FMN1: variants seen among roughly 807,000 people sequenced by gnomAD.
FMN1 encodes the protein formin-1.
Under a neutral mutation model 132.4 loss-of-function variants are expected in FMN1, and 110 were observed. The ratio of observed to expected loss-of-function variants is 0.83; its 90% confidence interval spans 0.71 to 0.97. The LOEUF (loss-of-function observed/expected upper bound fraction) is 0.97, where lower values mean the gene tolerates loss of function less well. Ranked by LOEUF, FMN1 falls within the 50% of genes least tolerant of loss-of-function variation. FMN1 has a pLI of 0.00. For missense variants in FMN1, 1,792 were observed against 1,705.3 expected, an observed-to-expected ratio of 1.05 and a Z score of -0.90; for synonymous variants, 722 against 651.7, an observed-to-expected ratio of 1.11 and a Z score of -1.64.
At chr15:32,972,907 C>T (rs1186479051) in intron 7 of FMN1, among the ~76,000 whole-genome samples, 1 of 152,092 alleles carries the variant, frequency 6.6e-6, no homozygotes, top group Non-Finnish European at 1.5e-5. Flanking sequence ...TCTGAAATTC[C>T]TCCTCACTAT....
rs2039922546 is a variant in FMN1, at chr15:33,116,274, T to G, written c.1868-27300A>C. Among the ~76,000 whole-genome samples the G allele has an allele frequency of 2.0e-5, 3 of 152,308 alleles. No homozygotes were observed. The South Asian group carries it at 6.2e-4, about 32-fold the overall frequency. The stretch of plus-strand genomic sequence containing the variant: ...TTTCCTTTATACCTGTTTATAAAAC[T>G]CTTTTAAAGTATCCTTGGTTCACAT... On this transcript the variant is annotated intron_variant, in intron 4 of 20. Coordinates refer to ENST00000616417, the MANE Select transcript of FMN1 (RefSeq NM_001277313.2).
intron 5 of FMN1, among the ~76,000 whole-genome samples, chr15:33,065,338 T>C (rs904802864): frequency 6.6e-6 from 1 of 152,212 alleles, no homozygotes; most frequent in Non-Finnish European, 1.5e-5. Flanking sequence ...AGATTATTTT[T>C]ATTATATAAT....
At chr15:33,103,647 A>T (rs1055184228) in intron 4 of FMN1, among the ~76,000 whole-genome samples, 3 of 152,118 alleles carry the variant, frequency 2.0e-5, no homozygotes, top group Non-Finnish European at 2.9e-5. Flanking sequence ...ACTAAAATAT[A>T]CCAAAGGAGA....
At chr15:33,123,128 T>G (rs10519793) in intron 4 of FMN1, among the ~76,000 whole-genome samples, 9,197 of 150,872 alleles carry the variant, frequency 0.061, 295 homozygotes, top group Middle Eastern at 0.11. Flanking sequence ...CGTCATATCG[T>G]CAAGCCTTGT....
At chr15:33,097,074 A>G in intron 4 of FMN1, among the ~76,000 whole-genome samples, 1 of 152,096 alleles carries the variant, frequency 6.6e-6, no homozygotes, top group East Asian at 1.9e-4. Context: ...TGGGTGGATC[A>G]CTTAAGCTCA....
intron 6 of FMN1, among the ~76,000 whole-genome samples, chr15:33,055,002 C>T (rs543621386): frequency 1.7e-4 from 26 of 152,238 alleles, no homozygotes; most frequent in Admixed American, 5.2e-4. Flanking sequence ...GGACTCTCTC[C>T]TCAGCCACAG....
At chr15:32,889,756 A>G (rs987032461) in intron 15 of FMN1, among the ~76,000 whole-genome samples, 1 of 152,190 alleles carries the variant, frequency 6.6e-6, no homozygotes, top group African/African-American at 2.4e-5. Context: ...CGCTTACATT[A>G]TCACAGCATT....
At chr15:32,883,260 TG>T (rs1273637798) in intron 16 of FMN1, among the ~76,000 whole-genome samples, 11 of 151,962 alleles carry the variant, frequency 7.2e-5, no homozygotes, top group African/African-American at 1.9e-4. Context: ...CCTGGCACTA[TG>T]GGAGGCCAAG....
chr15:32,892,599 TTCTC>T (rs539583056), intron 15 of FMN1, among the ~76,000 whole-genome samples: 26 of 152,362 alleles, frequency 1.7e-4, no homozygotes, highest in Non-Finnish European at 3.4e-4. Flanking sequence ...GCTTCCCTCT[TTCTC>T]TATCTTGTGG....
chr15:32,810,990 G>A (rs745946847), intron 17 of FMN1: 19 of 456,156 alleles, frequency 4.2e-5, no homozygotes, highest in Admixed American at 1.4e-4. Flanking sequence ...CGTGGGATCC[G>A]TCTGATGTGA....
At chr15:32,936,068 C>T (rs1432981776) in intron 9 of FMN1, among the ~76,000 whole-genome samples, 1 of 152,154 alleles carries the variant, frequency 6.6e-6, no homozygotes, top group Non-Finnish European at 1.5e-5. Flanking sequence ...TATTCTTTAG[C>T]CCCAATATTT....
chr15:32,992,294 T>C (rs933236779), intron 7 of FMN1, among the ~76,000 whole-genome samples: 1 of 152,204 alleles, frequency 6.6e-6, no homozygotes, highest in South Asian at 2.1e-4. Flanking sequence ...CGGGAATCAA[T>C]GTTAGTTTTG....
Position 33,015,989 on chromosome 15 carries a change from C to T in FMN1, c.2162-7914G>A, listed in dbSNP as rs916869138. 1.3e-4 allele frequency among the ~76,000 whole-genome samples: 20 copies of T among 152,248 alleles called. No individual in the cohort carries two copies. The East Asian group carries it at 2.9e-3, about 22-fold the overall frequency. The stretch of plus-strand genomic sequence containing the variant: ...TTAGAAATGCAAATTCTTTCCTCTA[C>T]GGTGGATTTATTGACTTGGAATCTC... On this transcript the variant is annotated intron_variant, in intron 6 of 20. Coordinates refer to ENST00000616417, the MANE Select transcript of FMN1 (RefSeq NM_001277313.2).
At chr15:32,933,714 T>C (rs1051360793) in intron 9 of FMN1, among the ~76,000 whole-genome samples, 8 of 148,738 alleles carry the variant, frequency 5.4e-5, no homozygotes, top group Admixed American at 1.3e-4. Flanking sequence ...ATAGTGTCCT[T>C]CTTTTTCTTT....
At chr15:33,031,409 C>T (rs189532585) in intron 6 of FMN1, among the ~76,000 whole-genome samples, 9 of 152,278 alleles carry the variant, frequency 5.9e-5, no homozygotes, top group African/African-American at 2.2e-4. Flanking sequence ...CAGGCCCAGT[C>T]CTCTCCAGAG....
chr15:32,893,918 A>C (rs561453131), intron 15 of FMN1, among the ~76,000 whole-genome samples: 12 of 152,342 alleles, frequency 7.9e-5, no homozygotes, highest in African/African-American at 2.6e-4. Flanking sequence ...TGCCCATGCC[A>C]ACCTAGGGTT....
chr15:32,781,716 G>A (rs2056670106), intron 19 of FMN1, among the ~76,000 whole-genome samples: 1 of 152,096 alleles, frequency 6.6e-6, no homozygotes, highest in Non-Finnish European at 1.5e-5. Context: ...GTAGTATGCT[G>A]GTTTAATTAG....
At chr15:32,791,256 TA>T (rs34636398) in intron 19 of FMN1, among the ~76,000 whole-genome samples, 587 of 141,592 alleles carry the variant, frequency 4.1e-3, no homozygotes, top group African/African-American at 8.2e-3. Flanking sequence ...AGCTTTAGTG[TA>T]AAAAAAAAAA....
At chr15:33,099,079 C>T (rs1318840484) in intron 4 of FMN1, among the ~76,000 whole-genome samples, 1 of 152,074 alleles carries the variant, frequency 6.6e-6, no homozygotes, top group African/African-American at 2.4e-5. Flanking sequence ...CCAGCCTGGG[C>T]AACATGGTGA....
Sources: allele counts gnomAD v4.1 joint callset (sites outside exome capture counted in the v4.1 genomes callset), GRCh38; gene constraint gnomAD v4.1.1; transcripts MANE v1.5; gene names NCBI Gene and HGNC (gene_info 2026-07-23, HGNC 2026-07-21).